RORA: variants seen among roughly 807,000 people sequenced by gnomAD.
The protein encoded by RORA is RAR related orphan receptor A, also known as nuclear receptor ROR-alpha.
RORA carries 7 observed loss-of-function variants against 69.5 expected under a neutral mutation model. That is an observed-to-expected ratio of 0.10 (90% CI 0.06 to 0.19). The LOEUF (loss-of-function observed/expected upper bound fraction) is 0.19, where lower values mean the gene tolerates loss of function less well. RORA is among the 10% of genes least tolerant of loss of function. The pLI is 1.00. For synonymous variants in RORA, 261 were observed against 240.8 expected (o/e 1.08, Z -0.78); for missense variants, 457 against 663.0 (o/e 0.69, Z 3.41).
At chr15:60,738,007 T>C (rs1292553086) in intron 1 of RORA, among the ~76,000 whole-genome samples, 1 of 152,194 alleles carries the variant, frequency 6.6e-6, no homozygotes, top group Non-Finnish European at 1.5e-5. Context: ...CATAAATAAG[T>C]AATATAGCTT....
chr15:60,715,917 T>G (rs1030929255), intron 1 of RORA, among the ~76,000 whole-genome samples: 10 of 152,282 alleles, frequency 6.6e-5, no homozygotes, highest in Non-Finnish European at 1.0e-4. Context: ...AAATTATGAT[T>G]CTTCCTCTCA....
At chr15:61,136,506 T>G (rs1372350903) in intron 1 of RORA, among the ~76,000 whole-genome samples, 1 of 152,164 alleles carries the variant, frequency 6.6e-6, no homozygotes, top group Non-Finnish European at 1.5e-5. Flanking sequence ...TAGTTACTAT[T>G]TTTTTCATTA....
In RORA at chr15:60,879,559, A is replaced by T. The variant is rs141646177; in HGVS notation, c.167-200873T>A. ...ATTAAATGCAACCTGATAATCATAG[A>T]ACTGTACATTTATATGATTTGAAGC... is the stretch of plus-strand genomic sequence containing the variant. On this transcript the variant is annotated intron_variant, in intron 1 of 10. Transcript: ENST00000335670. Among the ~76,000 whole-genome samples the T allele has an allele frequency of 2.6e-5, 4 of 152,354 alleles. No individual in the cohort carries two copies. In the East Asian group the frequency reaches 7.7e-4, roughly 29 times the overall value.
intron 1 of RORA, among the ~76,000 whole-genome samples, chr15:61,092,495 A>G (rs1184337380): frequency 6.6e-6 from 1 of 152,224 alleles, no homozygotes; most frequent in Non-Finnish European, 1.5e-5. Flanking sequence ...TAAATCAGAT[A>G]TGCTACTCTG....
intron 1 of RORA, among the ~76,000 whole-genome samples, chr15:60,923,875 CT>C (rs922384454): frequency 3.3e-5 from 5 of 152,204 alleles, no homozygotes; most frequent in African/African-American, 1.2e-4. Flanking sequence ...CTAAGTTGTG[CT>C]GGAAGCTGGA....
intron 2 of RORA, chr15:60,556,703 C>T (rs1210045520): frequency 2.6e-5 from 17 of 648,652 alleles, no homozygotes; most frequent in East Asian, 7.7e-5. Context: ...CGAAAGAGAT[C>T]CTCTATGCCT....
intron 2 of RORA, among the ~76,000 whole-genome samples, chr15:60,580,647 A>G (rs1398301342): frequency 6.6e-6 from 1 of 152,214 alleles, no homozygotes; most frequent in African/African-American, 2.4e-5. Flanking sequence ...CTGGTCATTT[A>G]TGAAATGAAG....
At chr15:60,628,935 C>G (rs922292693) in intron 2 of RORA, among the ~76,000 whole-genome samples, 4 of 152,116 alleles carry the variant, frequency 2.6e-5, no homozygotes, top group African/African-American at 9.7e-5. Flanking sequence ...TAGAGAGGCC[C>G]GTTTTAGTTC....
intron 2 of RORA, among the ~76,000 whole-genome samples, chr15:60,666,506 G>A (rs148174642): frequency 0.015 from 2,344 of 151,974 alleles, 22 homozygotes; most frequent in Middle Eastern, 0.031. Context: ...AGAATATCTA[G>A]TAGGACAAAG....
chr15:60,882,019 C>A (rs943569627), intron 1 of RORA, among the ~76,000 whole-genome samples: 1 of 152,194 alleles, frequency 6.6e-6, no homozygotes, highest in African/African-American at 2.4e-5. Flanking sequence ...ATTGTCTTCC[C>A]GCGCACGTGT....
intron 1 of RORA, among the ~76,000 whole-genome samples, chr15:60,843,794 A>G (rs2073230990): frequency 6.6e-6 from 1 of 152,060 alleles, no homozygotes; most frequent in Admixed American, 6.5e-5. Context: ...AAGGTCCGTG[A>G]ATGTCTCTTT....
At position 60,502,743 on chromosome 15, in the gene RORA, C is replaced by CA; in HGVS notation, c.1183+16_1183+17insT. 6.7e-7 allele frequency: 1 copy of CA among 1,494,608 alleles called. No homozygotes were observed. Among genetic ancestry groups the CA allele is most frequent in the Non-Finnish European group, 9.3e-7 (1 of 1,071,896 alleles). 92.6% of individuals were successfully genotyped at this position (1,494,608 alleles called of 1,614,324 possible). The stretch of plus-strand genomic sequence containing the variant: ...ATAGCCCTGATTTGAAGAAAAGGCA[C>CA]CTTGATATCCCCTTACCTAAGGATT... On this transcript the variant is annotated intron_variant, in intron 8 of 10. Transcript: ENST00000335670.
chr15:61,092,023 A>T (rs1233678138), intron 1 of RORA, among the ~76,000 whole-genome samples: 2 of 152,248 alleles, frequency 1.3e-5, no homozygotes, highest in African/African-American at 4.8e-5. Context: ...ACAAACCAAG[A>T]TATAAATAAA....
intron 2 of RORA, among the ~76,000 whole-genome samples, chr15:60,599,628 T>C (rs1398270517): frequency 6.6e-6 from 1 of 152,146 alleles, no homozygotes; most frequent in East Asian, 1.9e-4. Flanking sequence ...AGGAAACTAA[T>C]AACGAGCATT....
chr15:60,981,171 T>C (rs985402345), intron 1 of RORA, among the ~76,000 whole-genome samples: 3 of 152,024 alleles, frequency 2.0e-5, no homozygotes, highest in African/African-American at 4.8e-5. Context: ...GAGAAATCAG[T>C]TGATAATTTT....
At chr15:60,609,506 C>G (rs888013981) in intron 2 of RORA, among the ~76,000 whole-genome samples, 1 of 152,116 alleles carries the variant, frequency 6.6e-6, no homozygotes, top group Non-Finnish European at 1.5e-5. Context: ...ATTTGTCACA[C>G]TCTAGGAAGA....
At chr15:61,017,323 A>G (rs956783424) in intron 1 of RORA, among the ~76,000 whole-genome samples, 1 of 152,238 alleles carries the variant, frequency 6.6e-6, no homozygotes, top group African/African-American at 2.4e-5. Context: ...TGATTGTTAC[A>G]TACAGCATGG....
chr15:60,661,952 T>A (rs2070310370), intron 2 of RORA, among the ~76,000 whole-genome samples: 1 of 152,104 alleles, frequency 6.6e-6, no homozygotes, highest in Non-Finnish European at 1.5e-5. Flanking sequence ...AACCAAAGAG[T>A]GGAAACACTT....
At chr15:60,603,388 A>G (rs557921106) in intron 2 of RORA, among the ~76,000 whole-genome samples, 109 of 152,340 alleles carry the variant, frequency 7.2e-4, no homozygotes, top group Non-Finnish European at 1.2e-4. Context: ...TCAGCAATGT[A>G]TGAGAGTTCC....
Sources: gnomAD v4.1 joint callset for allele counts (sites outside exome capture counted in the v4.1 genomes callset) on GRCh38, gnomAD v4.1.1 for gene constraint, MANE v1.5 for transcripts, NCBI Gene and HGNC (gene_info 2026-07-23, HGNC 2026-07-21) for gene names.